The following FEZ1 variants were observed in gnomAD, a reference collection of about 807,000 sequenced individuals.
FEZ1 encodes the protein fasciculation and elongation protein zeta 1.
Under a neutral mutation model 49.3 loss-of-function variants are expected in FEZ1, and 20 were observed. The ratio of observed to expected loss-of-function variants is 0.41; its 90% CI spans 0.29 to 0.59. The LOEUF (loss-of-function observed/expected upper bound fraction) is 0.59, where lower values mean the gene tolerates loss of function less well. FEZ1 is among the 20% of genes least tolerant of loss of function. FEZ1 has a pLI of 0.36. For missense variants in FEZ1, 413 were observed against 476.0 expected, an observed-to-expected ratio of 0.87 and a Z score of 1.23; for synonymous variants, 170 against 180.9, an observed-to-expected ratio of 0.94 and a Z score of 0.48.
At chr11:125,480,377 C>A (rs1254282990) in intron 3 of FEZ1, among the ~76,000 whole-genome samples, 1 of 151,906 alleles carries the variant, frequency 6.6e-6, no homozygotes, top group Non-Finnish European at 1.5e-5. Context: ...CACAGTGAGA[C>A]CCTGTCTGAG....
chr11:125,468,352 A>T (rs1425316017), intron 3 of FEZ1, among the ~76,000 whole-genome samples: 1 of 151,714 alleles, frequency 6.6e-6, no homozygotes, highest in Non-Finnish European at 1.5e-5. Flanking sequence ...AAACTTTTTC[A>T]TTTTTTTGTA....
At chr11:125,461,061 G>A (rs751773997) in intron 4 of FEZ1, among the ~76,000 whole-genome samples, 4 of 152,168 alleles carry the variant, frequency 2.6e-5, no homozygotes, top group African/African-American at 7.2e-5. Flanking sequence ...CATAATACAC[G>A]TGACTGTAAA....
Position 125,495,241 on chromosome 11 carries a change from C to T in FEZ1, c.-46+880G>A. On this transcript the variant is annotated intron_variant, in intron 1 of 9. Coordinates refer to ENST00000278919, the MANE Select transcript of FEZ1 (RefSeq NM_005103.5). The surrounding 1 kb of genome is among the most constrained non-coding windows in gnomAD (Gnocchi z 4.2). ...CACAATGGCTGGCACTCTGAGGAAG[C>T]CGGACTCATCCCGTGCAGGCCGCAT... 2.6e-6 allele frequency: 1 copy of T among 388,772 alleles called. No individual in the cohort carries two copies. Among genetic ancestry groups the T allele is most frequent in the South Asian group, 1.9e-5 (1 of 51,596 alleles). 24.1% of individuals were successfully genotyped at this position (388,772 alleles called of 1,614,324 possible). A position where few individuals can be genotyped will look rare whatever the true frequency, so the allele number is the denominator to read the frequency against.
chr11:125,471,353 C>G (rs1021731257), intron 3 of FEZ1, among the ~76,000 whole-genome samples: 1 of 151,508 alleles, frequency 6.6e-6, no homozygotes, highest in African/African-American at 2.4e-5. Flanking sequence ...AAAACAAGAT[C>G]CAAGTATACA....
At position 125,495,708 on chromosome 11, in the gene FEZ1, C is replaced by T; in HGVS notation, c.-46+413G>A. The T allele has an allele frequency of 2.8e-6, 1 of 357,992 alleles. No individual in the cohort carries two copies. The highest frequency in any genetic ancestry group is 5.6e-6 in the Non-Finnish European group (1 of 180,144). The allele number at this position is 357,992 out of a possible 1,614,324, so 22.2% of individuals were successfully genotyped here. On this transcript the variant is annotated intron_variant, in intron 1 of 9. Transcript: ENST00000278919. The surrounding 1 kb of genome is among the most constrained non-coding windows in gnomAD (Gnocchi z 4.2). ...ACGAGGTACCGACCCACTGCCCCAG[C>T]GCGATCGGGCGGCGTTCCCTTCTTC...
In FEZ1 at chr11:125,443,376, G is replaced by C. The variant is rs935250318; in HGVS notation, c.*2719C>G. Among the ~76,000 whole-genome samples, 2 of 152,192 alleles carry C rather than the reference G, an allele frequency of 1.3e-5. No homozygotes were observed. Among genetic ancestry groups the C allele is most frequent in the Non-Finnish European group, 2.9e-5 (2 of 68,034 alleles). On this transcript the variant is annotated 3_prime_UTR_variant, in exon 10 of 10. Coordinates refer to ENST00000278919, the MANE Select transcript of FEZ1 (RefSeq NM_005103.5). ...AATCACACTAGCCACAAATTCCCTA[G>C]GTTCAGCATTGAAGAGTCAAGGATT...
chr11:125,468,345 C>T (rs953666850), intron 3 of FEZ1, among the ~76,000 whole-genome samples: 38 of 151,938 alleles, frequency 2.5e-4, no homozygotes, highest in African/African-American at 8.7e-4. Context: ...TCATGGCAAA[C>T]TTTTTCATTT....
intron 7 of FEZ1, 56 bp from the exon 8 acceptor site, chr11:125,452,465 T>C: frequency 8.4e-7 from 1 of 1,189,954 alleles, no homozygotes; most frequent in Non-Finnish European, 1.3e-6. Context: ...TTCCTCTGGG[T>C]TGAGATTTAG....
chr11:125,468,178 CT>C (rs1032997897), intron 3 of FEZ1, among the ~76,000 whole-genome samples: 28 of 149,964 alleles, frequency 1.9e-4, no homozygotes, highest in South Asian at 6.4e-4. Context: ...CACATAATAA[CT>C]TTTTTTTTTC....
In FEZ1 at chr11:125,489,461, T is replaced by C. The variant is rs1452720453; in HGVS notation, c.311+6A>G. On this transcript the variant is annotated splice_donor_region_variant and intron_variant, in intron 2 of 9. Transcript: ENST00000278919. This position sits in a 1 kb window ranked among gnomAD's most constrained non-coding sequence, Gnocchi z 4.2. ...GAAGCAGGAGAGGGCAATTAAGACT[T>C]CTTACTCCTCGTCCTGAAGGGTCTC... is the stretch of plus-strand genomic sequence containing the variant. 6.2e-7 allele frequency: 1 copy of C among 1,606,994 alleles called. No homozygotes were observed. Among genetic ancestry groups the C allele is most frequent in the South Asian group, 1.1e-5 (1 of 89,866 alleles).
chr11:125,490,733 T>C (rs1474843918), intron 1 of FEZ1, among the ~76,000 whole-genome samples: 3 of 152,040 alleles, frequency 2.0e-5, no homozygotes, highest in Admixed American at 6.6e-5. Flanking sequence ...AAAACATCAA[T>C]AGAGACCTTC....
At chr11:125,458,761 G>T (rs1372395805) in intron 5 of FEZ1, among the ~76,000 whole-genome samples, 1 of 152,166 alleles carries the variant, frequency 6.6e-6, no homozygotes, top group Non-Finnish European at 1.5e-5. Context: ...GGGCCTGGAG[G>T]TTACTGCTTT....
chr11:125,481,161 A>G (rs867685223), intron 3 of FEZ1, among the ~76,000 whole-genome samples: 1 of 152,064 alleles, frequency 6.6e-6, no homozygotes, highest in Middle Eastern at 3.2e-3. Flanking sequence ...TTTCAGATAT[A>G]CTGGATGTCT....
intron 6 of FEZ1, chr11:125,455,490 A>C: frequency 3.0e-6 from 1 of 331,748 alleles, no homozygotes; most frequent in Non-Finnish European, 5.6e-6. Context: ...AACCTGGGAC[A>C]CAAGGAGGGA....
intron 3 of FEZ1, among the ~76,000 whole-genome samples, chr11:125,465,463 A>G (rs1957118853): frequency 6.6e-6 from 1 of 152,170 alleles, no homozygotes; most frequent in South Asian, 2.1e-4. Flanking sequence ...ATGATGCACT[A>G]GTAGAGTTTC....
chr11:125,495,314 G>C lies in FEZ1; in HGVS notation c.-46+807C>G. On this transcript the variant is annotated intron_variant, in intron 1 of 9. Transcript: ENST00000278919. This position sits in a 1 kb window ranked among gnomAD's most constrained non-coding sequence, Gnocchi z 4.2. ...CCAAACAAGCCCGGACACGGGAGAGGGATGAGAGTCGGGGATGCCTAGCGG... is the reference window on the plus strand; with the variant it reads ...CCAAACAAGCCCGGACACGGGAGAGCGATGAGAGTCGGGGATGCCTAGCGG... The C allele has an allele frequency of 2.2e-6, 1 of 461,960 alleles. No homozygotes were observed. Among genetic ancestry groups the C allele is most frequent in the Non-Finnish European group, 4.5e-6 (1 of 221,078 alleles). 28.6% of individuals were successfully genotyped at this position (461,960 alleles called of 1,614,324 possible). A position where few individuals can be genotyped will look rare whatever the true frequency, so the allele number is the denominator to read the frequency against.
In FEZ1 at chr11:125,481,518, G is replaced by C. The variant is rs755613591; in HGVS notation, c.411+16C>G. On this transcript the variant is annotated intron_variant, in intron 3 of 9. Transcript: ENST00000278919. ...ACATCTCAAGCCCTGCTAAACCAGG[G>C]GCCCCGGAGAGGTACCTCAGTGTCA... 3 of 1,510,894 alleles carry C rather than the reference G, an allele frequency of 2.0e-6. No homozygotes were observed. Among genetic ancestry groups the C allele is most frequent in the South Asian group, 1.1e-5 (1 of 89,248 alleles). The allele number at this position is 1,510,894 out of a possible 1,614,324, so 93.6% of individuals were successfully genotyped here.
rs770268577 is a variant in FEZ1 at position 125,456,044 on chromosome 11, G to A, written c.730C>T (p.Arg244Cys). 37 of 1,612,200 alleles carry A rather than the reference G, an allele frequency of 2.3e-5. 1 individual carries two copies. Among genetic ancestry groups the A allele is most frequent in the South Asian group, 9.9e-5 (9 of 90,922 alleles). The change falls in exon 6 of 10, where the codon CGT (arginine) becomes TGT (cysteine). Residue 244 changes from arginine to cysteine, a missense_variant. Physicochemically the swap from Arg to Cys is radical, Grantham distance 180 (BLOSUM62 -3). Coordinates refer to ENST00000278919, the MANE Select transcript of FEZ1 (RefSeq NM_005103.5). ...ELLDQVEGAI[R>C]DFSEELVQQL... ...TGCACCAGCTCCTCCGAGAAGTCAC[G>A]GATGGCACCCTCCACCTGGTCCAGC...
intron 5 of FEZ1, among the ~76,000 whole-genome samples, chr11:125,457,422 AAAAAAAAAT>A (rs1401786795): frequency 5.4e-4 from 21 of 38,624 alleles, no homozygotes; most frequent in East Asian, 1.4e-3. Flanking sequence ...AAAAAAAAAA[AAAAAAAAAT>A]ATATATATAT....
Sources: gnomAD v4.1 joint callset for allele counts (sites outside exome capture counted in the v4.1 genomes callset) on GRCh38, gnomAD v4.1.1 for gene constraint, Gnocchi (gnomAD v3.1) non-coding constraint, MANE v1.5 for transcripts, NCBI Gene and HGNC (gene_info 2026-07-23, HGNC 2026-07-21) for gene names.